DDX10: variants seen among roughly 807,000 people sequenced by gnomAD.
DDX10 encodes the protein probable ATP-dependent RNA helicase DDX10.
DDX10 carries 74 observed loss-of-function variants against 104.3 expected under a neutral mutation model. The ratio of observed to expected loss-of-function variants is 0.71; its 90% CI spans 0.59 to 0.86. DDX10 has a LOEUF of 0.86. Ranked by LOEUF, DDX10 falls within the 40% of genes least tolerant of loss-of-function variation. The pLI, the probability that DDX10 is intolerant of heterozygous loss-of-function variation, is 0.00. For missense variants in DDX10, 952 were observed against 1,040.0 expected, an observed-to-expected ratio of 0.92 and a Z score of 1.16; for synonymous variants, 351 against 353.4, an observed-to-expected ratio of 0.99 and a Z score of 0.08.
intron 13 of DDX10, among the ~76,000 whole-genome samples, chr11:108,824,061 G>C (rs1442943826): frequency 6.6e-6 from 1 of 151,440 alleles, no homozygotes; most frequent in African/African-American, 2.4e-5. Flanking sequence ...ATTTTTTTTT[G>C]AAACAGGGTC....
At chr11:108,760,196 T>A (rs375033328) in intron 13 of DDX10, among the ~76,000 whole-genome samples, 1 of 151,998 alleles carries the variant, frequency 6.6e-6, no homozygotes, top group Non-Finnish European at 1.5e-5. Context: ...TTCAATATGC[T>A]TAAGTGTTAT....
At chr11:108,790,214 T>C (rs1861851788) in intron 13 of DDX10, among the ~76,000 whole-genome samples, 1 of 152,216 alleles carries the variant, frequency 6.6e-6, no homozygotes, top group African/African-American at 2.4e-5. Context: ...ATTTCGCTTA[T>C]TCTTTGACTT....
chr11:108,838,923 A>T (rs1862598507), intron 14 of DDX10, among the ~76,000 whole-genome samples: 1 of 152,230 alleles, frequency 6.6e-6, no homozygotes, highest in Non-Finnish European at 1.5e-5. Flanking sequence ...CTTCACTCAG[A>T]AAAGCTTCTG....
rs200674402 is a variant in DDX10, at chr11:108,915,448, T to G, written c.2305-2425T>G. The stretch of plus-strand genomic sequence containing the variant: ...AAAAGGCTTGTTTTTTTTTTTTTGG[T>G]TTTTTTTTTTTTGTTTGTTTGTTTT... On this transcript the variant is annotated intron_variant, in intron 16 of 17. Transcript: ENST00000322536. Among the ~76,000 whole-genome samples, 194 of 41,946 alleles carry G rather than the reference T, an allele frequency of 4.6e-3. 1 individual carries two copies. Among genetic ancestry groups the G allele is most frequent in the African/African-American group, 0.045 (102 of 2,244 alleles). The allele number at this position is 41,946 out of a possible 152,430, so 27.5% of individuals were successfully genotyped here.
chr11:108,872,016 G>A (rs1863089240), intron 16 of DDX10, among the ~76,000 whole-genome samples: 1 of 152,098 alleles, frequency 6.6e-6, no homozygotes, highest in Non-Finnish European at 1.5e-5. Flanking sequence ...AGAAATTTAA[G>A]TTAACAAATG....
At chr11:108,803,675 CTAAT>C (rs891404971) in intron 13 of DDX10, among the ~76,000 whole-genome samples, 2 of 151,294 alleles carry the variant, frequency 1.3e-5, no homozygotes, top group African/African-American at 2.4e-5. Context: ...ATATGTAAAT[CTAAT>C]TAATCTATTG....
chr11:108,666,971 C>T (rs1453273748), intron 1 of DDX10, among the ~76,000 whole-genome samples: 5 of 152,222 alleles, frequency 3.3e-5, no homozygotes. Context: ...TTAGCTACTT[C>T]TCTCTTACCT....
Position 108,688,357 on chromosome 11 carries a change from A to G in DDX10, c.849-579A>G, listed in dbSNP as rs545296595. Among the ~76,000 whole-genome samples the G allele has an allele frequency of 4.6e-5, 7 of 152,338 alleles. No homozygotes were observed. The East Asian group carries it at 7.7e-4, about 17-fold the overall frequency. ...ACCTTATACCAAACACCTAGATACT[A>G]TCTAATGGTAGCATCCATTTACTTG... On this transcript the variant is annotated intron_variant, in intron 6 of 17. Coordinates refer to ENST00000322536, the MANE Select transcript of DDX10 (RefSeq NM_004398.4).
intron 16 of DDX10, among the ~76,000 whole-genome samples, chr11:108,897,156 T>A (rs930978235): frequency 3.3e-5 from 5 of 151,984 alleles, no homozygotes; most frequent in Non-Finnish European, 7.4e-5. Context: ...ACAAATTATC[T>A]CCAAAGAGGC....
rs2094229166 is a variant in DDX10 at position 108,678,394 on chromosome 11, A to G, written c.617A>G (p.Asp206Gly). The G allele has an allele frequency of 1.2e-6, 2 of 1,612,960 alleles. No individual in the cohort carries two copies. Among genetic ancestry groups the G allele is most frequent in the Non-Finnish European group, 1.7e-6 (2 of 1,179,488 alleles). The change falls in exon 5 of 18, where the codon GAT becomes GGT. Residue 206 changes from aspartate to glycine, a missense_variant. Transcript: ENST00000322536. ...CCAGGTCGGCTTCTTCAACACATGGATGAAACAGTATCTTTTCATGCTACC... is the reference window on the plus strand; with the variant it reads ...CCAGGTCGGCTTCTTCAACACATGGGTGAAACAGTATCTTTTCATGCTACC... ...CTPGRLLQHM[D>G]ETVSFHATDL...
At chr11:108,792,375 G>A (rs140856394) in intron 13 of DDX10, among the ~76,000 whole-genome samples, 20 of 152,150 alleles carry the variant, frequency 1.3e-4, no homozygotes, top group African/African-American at 4.8e-4. Flanking sequence ...TGTTCTGCGC[G>A]CTTTCTAATT....
intron 13 of DDX10, among the ~76,000 whole-genome samples, chr11:108,837,856 CAGG>C (rs976653188): frequency 1.1e-4 from 16 of 152,018 alleles, no homozygotes; most frequent in Non-Finnish European, 2.9e-5. Context: ...CTCATGACCT[CAGG>C]TGATCCACCT....
chr11:108,683,402 TC>T (rs762889022), intron 6 of DDX10, among the ~76,000 whole-genome samples: 2 of 152,232 alleles, frequency 1.3e-5, no homozygotes, highest in East Asian at 3.9e-4. Context: ...ACCTTGTTTC[TC>T]CCCTGTCTTG....
chr11:108,793,986 G>A lies in DDX10; in HGVS notation c.1966-44460G>A, dbSNP rs563141194. 1.8e-4 allele frequency among the ~76,000 whole-genome samples: 28 copies of A among 151,690 alleles called. No homozygotes were observed. In the South Asian group the frequency reaches 3.5e-3, roughly 19 times the overall value. On this transcript the variant is annotated intron_variant, in intron 13 of 17. Transcript: ENST00000322536. ...CATAATGACCTCCAGTTCCATCCACGTTTCTGCAAATGACATGATTTCATT... is the reference window on the plus strand; with the variant it reads ...CATAATGACCTCCAGTTCCATCCACATTTCTGCAAATGACATGATTTCATT...
chr11:108,723,957 A>G (rs918653568), intron 13 of DDX10, among the ~76,000 whole-genome samples: 8 of 152,166 alleles, frequency 5.3e-5, no homozygotes, highest in African/African-American at 1.9e-4. Flanking sequence ...ATGAATGTTT[A>G]TGAAAAGTTT....
chr11:108,727,334 T>C (rs1175125437), intron 13 of DDX10, among the ~76,000 whole-genome samples: 36 of 152,148 alleles, frequency 2.4e-4, no homozygotes, highest in Admixed American at 2.4e-3. Flanking sequence ...TCTTAATTTG[T>C]GTATATATTG....
intron 13 of DDX10, among the ~76,000 whole-genome samples, chr11:108,827,657 T>C (rs1034904542): frequency 1.3e-5 from 2 of 152,214 alleles, no homozygotes; most frequent in Non-Finnish European, 2.9e-5. Flanking sequence ...TTGATTTCTA[T>C]TGTGGGCCTT....
chr11:108,897,818 A>G (rs1456597953), intron 16 of DDX10, among the ~76,000 whole-genome samples: 1 of 152,076 alleles, frequency 6.6e-6, no homozygotes, highest in Admixed American at 6.5e-5. Context: ...TTTTTCAAAT[A>G]CAGAAGTCTT....
At chr11:108,794,832 CT>C (rs969705921) in intron 13 of DDX10, among the ~76,000 whole-genome samples, 198 of 144,590 alleles carry the variant, frequency 1.4e-3, no homozygotes, top group Non-Finnish European at 1.3e-3. Flanking sequence ...CTCTCTCTCT[CT>C]TTTTTTTTTT....
Sources: gnomAD v4.1 joint callset for allele counts (sites outside exome capture counted in the v4.1 genomes callset) on GRCh38, gnomAD v4.1.1 for gene constraint, MANE v1.5 for transcripts, NCBI Gene and HGNC (gene_info 2026-07-23, HGNC 2026-07-21) for gene names.